Variants in SPECC1L observed in about 807,000 individuals in gnomAD.
SPECC1L encodes the protein sperm antigen with calponin homology and coiled-coil domains 1 like.
A neutral mutation model predicts 116.8 loss-of-function variants in SPECC1L; 40 were observed. The ratio of observed to expected loss-of-function variants is 0.34; its 90% CI spans 0.27 to 0.45. The LOEUF is 0.45. SPECC1L is among the 20% of genes least tolerant of loss of function. SPECC1L has a pLI of 1.00. For synonymous variants in SPECC1L, 504 were observed against 500.6 expected (o/e 1.01, Z -0.09); for missense variants, 1,110 against 1,373.6 (o/e 0.81, Z 3.03).
chr22:24,361,846 A>C (rs1409327954), intron 11 of SPECC1L, among the ~76,000 whole-genome samples: 1 of 151,990 alleles, frequency 6.6e-6, no homozygotes, highest in African/African-American at 2.4e-5. Flanking sequence ...GAGAGAAAGA[A>C]GAAGAAGAGG....
intron 13 of SPECC1L, among the ~76,000 whole-genome samples, chr22:24,367,128 A>C (rs960969739): frequency 6.6e-6 from 1 of 152,198 alleles, no homozygotes; most frequent in East Asian, 1.9e-4. Context: ...TGGGAGCCAG[A>C]GTATGCAGTG....
rs376976352 is a variant in SPECC1L, at chr22:24,323,358, C to G, written c.1938+440C>G. On this transcript the variant is annotated intron_variant, in intron 5 of 16. Coordinates refer to ENST00000314328, the MANE Select transcript of SPECC1L (RefSeq NM_015330.6). ...TAGTAATAGTTTTTCAAATAGAGAT[C>G]TGTTGATAGTTAAAAAATATTTTTG... 2.2e-4 allele frequency among the ~76,000 whole-genome samples: 33 copies of G among 152,276 alleles called. No homozygotes were observed. The Middle Eastern group carries it at 0.01, about 47-fold the overall frequency.
intron 3 of SPECC1L, among the ~76,000 whole-genome samples, chr22:24,305,394 T>C (rs2049472289): frequency 6.6e-6 from 1 of 152,214 alleles, no homozygotes; most frequent in African/African-American, 2.4e-5. Context: ...GAGATGATTT[T>C]TGCCAGTTTT....
intron 14 of SPECC1L, 64 bp downstream of exon 14, chr22:24,369,384 C>G: frequency 8.7e-7 from 1 of 1,149,964 alleles, no homozygotes; most frequent in South Asian, 1.2e-5. Flanking sequence ...AGTGTCGTAG[C>G]TTACTACGTG....
intron 11 of SPECC1L, among the ~76,000 whole-genome samples, chr22:24,347,882 G>T (rs1252654077): frequency 1.3e-5 from 2 of 152,118 alleles, no homozygotes; most frequent in Non-Finnish European, 2.9e-5. Flanking sequence ...CACCATGTTA[G>T]CCATACTGGT....
intron 14 of SPECC1L, among the ~76,000 whole-genome samples, chr22:24,370,968 T>C (rs1569439145): frequency 1.3e-5 from 2 of 151,990 alleles, no homozygotes; most frequent in Non-Finnish European, 2.9e-5. Context: ...TTTTACAAAA[T>C]GAAAAAAGTA....
At chr22:24,393,121 C>T (rs1354248911) in intron 14 of SPECC1L, among the ~76,000 whole-genome samples, 2 of 152,156 alleles carry the variant, frequency 1.3e-5, no homozygotes, top group East Asian at 3.8e-4. Flanking sequence ...ATAGGCGCCA[C>T]CTTTTGATGG....
At chr22:24,283,367 C>T (rs1264752956) in intron 2 of SPECC1L, among the ~76,000 whole-genome samples, 4 of 152,214 alleles carry the variant, frequency 2.6e-5, no homozygotes, top group African/African-American at 7.2e-5. Context: ...CGTGAGCCAC[C>T]GCGCCCAGCC....
chr22:24,284,232 A>T (rs1387005142), intron 2 of SPECC1L, among the ~76,000 whole-genome samples: 1 of 151,970 alleles, frequency 6.6e-6, no homozygotes, highest in Non-Finnish European at 1.5e-5. Flanking sequence ...TACTGCTTTA[A>T]GTTTTTAAAG....
Position 24,338,492 on chromosome 22 carries a change from C to CCA in SPECC1L, c.2652+18_2652+19dup. On this transcript the variant is annotated intron_variant, in intron 10 of 16. Coordinates refer to ENST00000314328, the MANE Select transcript of SPECC1L (RefSeq NM_015330.6). ...CCCCTATGCAGGTGAGTGCCTGGAA[C>CCA]CACAGGAGGCTCTTAGAGCCTCAGA... The CCA allele has an allele frequency of 6.2e-7, 1 of 1,611,250 alleles. No homozygotes were observed. Among genetic ancestry groups the CCA allele is most frequent in the Non-Finnish European group, 8.5e-7 (1 of 1,177,414 alleles).
intron 14 of SPECC1L, among the ~76,000 whole-genome samples, chr22:24,372,457 A>C (rs1298433664): frequency 6.6e-6 from 1 of 152,202 alleles, no homozygotes; most frequent in Non-Finnish European, 1.5e-5. Context: ...CTGGGATGCA[A>C]GGCTGGTTCA....
At chr22:24,298,118 A>G (rs5760324) in intron 2 of SPECC1L, among the ~76,000 whole-genome samples, 60,774 of 151,614 alleles carry the variant, frequency 0.4, 13,268 homozygotes, top group Admixed American at 0.53. Flanking sequence ...GTAATGTATA[A>G]TATTCAATAA....
At chr22:24,397,835 G>A (rs948718669) in intron 14 of SPECC1L, among the ~76,000 whole-genome samples, 2 of 152,100 alleles carry the variant, frequency 1.3e-5, no homozygotes, top group African/African-American at 4.8e-5. Flanking sequence ...TCTGGATGGA[G>A]TTTTCTTACA....
intron 4 of SPECC1L, among the ~76,000 whole-genome samples, chr22:24,318,362 A>T (rs1457114019): frequency 6.6e-6 from 1 of 152,106 alleles, no homozygotes; most frequent in African/African-American, 2.4e-5. Context: ...CCACCCAAAA[A>T]ATACGAAAAC....
At chr22:24,348,972 A>G (rs183655759) in intron 11 of SPECC1L, among the ~76,000 whole-genome samples, 1 of 151,922 alleles carries the variant, frequency 6.6e-6, no homozygotes, top group East Asian at 1.9e-4. Context: ...TTTCCCTAAT[A>G]CCACACTCTT....
At position 24,390,449 on chromosome 22, in the gene SPECC1L, T is replaced by TA. The variant is rs543049824; in HGVS notation, c.3088-21132dup. Among the ~76,000 whole-genome samples the TA allele has an allele frequency of 9.2e-5, 14 of 152,132 alleles. No homozygotes were observed. In the South Asian group the frequency reaches 2.9e-3, roughly 32 times the overall value. On this transcript the variant is annotated intron_variant, in intron 14 of 16. Transcript: ENST00000314328. ...GGAATTACTTCCCAGAGTTAAAAAA[T>TA]AAAAAAAGGTGCTGGCAGTAGATAA... is the stretch of plus-strand genomic sequence containing the variant.
chr22:24,291,715 T>C (rs1259218059), intron 2 of SPECC1L, among the ~76,000 whole-genome samples: 1 of 152,196 alleles, frequency 6.6e-6, no homozygotes, highest in Non-Finnish European at 1.5e-5. Context: ...ATTATTTCAT[T>C]GAATCCTCTC....
chr22:24,388,075 C>T (rs980740632), intron 14 of SPECC1L, among the ~76,000 whole-genome samples: 1 of 151,780 alleles, frequency 6.6e-6, no homozygotes, highest in African/African-American at 2.4e-5. Flanking sequence ...TCTTAAAATT[C>T]TTTTTTTATT....
chr22:24,395,832 G>A (rs147368004), intron 14 of SPECC1L, among the ~76,000 whole-genome samples: 13 of 152,168 alleles, frequency 8.5e-5, no homozygotes, highest in South Asian at 2.1e-4. Context: ...ATAGAGACAG[G>A]GTTTCACCAT....
Sources: allele counts gnomAD v4.1 joint callset (sites outside exome capture counted in the v4.1 genomes callset), GRCh38; gene constraint gnomAD v4.1.1; transcripts MANE v1.5; gene names NCBI Gene and HGNC (gene_info 2026-07-23, HGNC 2026-07-21).